The following SLC25A30 variants were observed in gnomAD, a reference collection of about 807,000 sequenced individuals.
SLC25A30 encodes kidney mitochondrial carrier protein 1.
A neutral mutation model predicts 42.7 loss-of-function variants in SLC25A30; 29 were observed. The ratio of observed to expected loss-of-function variants is 0.68; its 90% confidence interval spans 0.51 to 0.93. The LOEUF (loss-of-function observed/expected upper bound fraction) is 0.93. Among genes scored for constraint, SLC25A30 ranks in the 40% least tolerant of loss-of-function variants. The pLI, the probability that SLC25A30 is intolerant of heterozygous loss-of-function variation, is 0.00. For synonymous variants in SLC25A30, 124 were observed against 131.0 expected (o/e 0.95, Z 0.37); for missense variants, 300 against 359.7 (o/e 0.83, Z 1.34).
chr13:45,397,805 G>A, intron 8 of SLC25A30: 1 of 747,028 alleles, frequency 1.3e-6, no homozygotes, highest in Non-Finnish European at 1.6e-6. Context: ...GCTTGTGTGG[G>A]TGGAAGACTA....
the SLC25A30 span, among the ~76,000 whole-genome samples, chr13:45,428,036 C>T: frequency 6.6e-6 from 1 of 150,802 alleles, no homozygotes; most frequent in African/African-American, 2.4e-5. Context: ...AGCCACCATG[C>T]CGGCCCCCTA....
At chr13:45,423,733 TATATATAA>T in the SLC25A30 span, among the ~76,000 whole-genome samples, 1 of 58,994 alleles carries the variant, frequency 1.7e-5, no homozygotes, top group Non-Finnish European at 2.7e-5. Context: ...TATATATAAA[TATATATAA>T]ATATATAAAT....
the SLC25A30 span, among the ~76,000 whole-genome samples, chr13:45,425,427 T>A: frequency 2.7e-5 from 3 of 112,622 alleles, no homozygotes; most frequent in African/African-American, 7.0e-5. Context: ...TAAGTATATA[T>A]AAATATATGT....
intron 1 of SLC25A30, 122 bp downstream of exon 1, chr13:45,418,178 C>G (rs1046706184): frequency 6.6e-6 from 1 of 152,526 alleles, no homozygotes; most frequent in Non-Finnish European, 1.5e-5. Flanking sequence ...CAGGCAGCCC[C>G]GAGCACGCCC....
At chr13:45,413,752 C>T (rs1883229569) in intron 1 of SLC25A30, among the ~76,000 whole-genome samples, 1 of 152,176 alleles carries the variant, frequency 6.6e-6, no homozygotes, top group Non-Finnish European at 1.5e-5. Flanking sequence ...AGGATTTCGC[C>T]ATGTTGGCCA....
At chr13:45,423,810 AT>A in the SLC25A30 span, among the ~76,000 whole-genome samples, 1 of 41,434 alleles carries the variant, frequency 2.4e-5, no homozygotes, top group African/African-American at 7.6e-5. Context: ...ATTTATATAT[AT>A]AAAAATATAA....
At chr13:45,401,283 C>T in intron 6 of SLC25A30, 76 bp from the exon 7 acceptor site, 1 of 1,454,930 alleles carries the variant, frequency 6.9e-7, no homozygotes, top group Non-Finnish European at 9.5e-7. Context: ...TGCAAAGGTT[C>T]TAATCCATAA....
In SLC25A30 at chr13:45,402,339, T is replaced by G. The variant is rs776675966; in HGVS notation, c.425A>C (p.Gln142Pro). Residue 142 changes from glutamine (Q) to proline (P), a missense_variant, in exon 6 of 10, where the codon CAA becomes CCA. Coordinates refer to ENST00000519676, the MANE Select transcript of SLC25A30 (RefSeq NM_001010875.4). Reference protein sequence around the residue: ...IRMQAQSNTIQGGMIGNFMNI... With the variant: ...IRMQAQSNTIPGGMIGNFMNI... ...CATGAAGTTGCCTATCATTCCTCCT[T>G]GAATGGTGTTGCTTTGCGCTTGCAT... 355 of 1,613,978 alleles carry G rather than the reference T, an allele frequency of 2.2e-4. No individual in the cohort carries two copies. Among genetic ancestry groups the G allele is most frequent in the Non-Finnish European group, 2.9e-4 (347 of 1,179,970 alleles).
chr13:45,413,600 G>A (rs1460022743), intron 1 of SLC25A30, among the ~76,000 whole-genome samples: 2 of 151,390 alleles, frequency 1.3e-5, no homozygotes, highest in African/African-American at 4.9e-5. Flanking sequence ...TGTCCCCCAG[G>A]CTGGAATGCA....
In SLC25A30 at chr13:45,399,008, T is replaced by C; in HGVS notation, c.685A>G (p.Met229Val). The C allele has an allele frequency of 6.2e-7, 1 of 1,614,004 alleles. No homozygotes were observed. Among genetic ancestry groups the C allele is most frequent in the African/African-American group, 1.3e-5 (1 of 74,992 alleles). Reference sequence around the variant, plus strand: ...CCATCTCGAAGCACTCTCTGATTCATCATACGTGTCCTCACAACATCAACA... The same window carrying C: ...CCATCTCGAAGCACTCTCTGATTCACCATACGTGTCCTCACAACATCAACA... ...NPVDVVRTRM[M>V]NQRVLRDGRC... Residue 229 changes from methionine (M) to valine (V), a missense_variant, in exon 8 of 10, where the codon ATG becomes GTG. Transcript: ENST00000519676.
Position 45,404,420 on chromosome 13 carries a change from C to T in SLC25A30, c.308-8G>A. On this transcript the variant is annotated splice_region_variant and splice_polypyrimidine_tract_variant and intron_variant, in intron 4 of 9. Transcript: ENST00000519676. ...TTATCGGTAGAGTTTCATCTGTAAA[C>T]AATGACACATTATTTGACTCTACAT... The T allele has an allele frequency of 1.3e-6, 2 of 1,588,898 alleles. No individual in the cohort carries two copies. The highest frequency in any genetic ancestry group is 1.7e-6 in the Non-Finnish European group (2 of 1,157,130).
At chr13:45,419,122 C>A (rs1227206701), upstream of SLC25A30, among the ~76,000 whole-genome samples, 2 of 115,084 alleles carry the variant, frequency 1.7e-5, no homozygotes, top group African/African-American at 3.2e-5. Context: ...CAAAGTGATA[C>A]TCCCTCTTAA....
chr13:45,413,785 T>G (rs1883236249), intron 1 of SLC25A30, among the ~76,000 whole-genome samples: 1 of 152,210 alleles, frequency 6.6e-6, no homozygotes, highest in African/African-American at 2.4e-5. Context: ...ACTCCTGACC[T>G]CAGGTAATCC....
At chr13:45,400,193 G>A (rs1018227810) in intron 7 of SLC25A30, among the ~76,000 whole-genome samples, 2 of 151,800 alleles carry the variant, frequency 1.3e-5, no homozygotes, top group Admixed American at 6.6e-5. Flanking sequence ...AGGCTGAGGC[G>A]GGTGGATCAC....
rs1273719932 is a variant in SLC25A30 at position 45,417,919 on chromosome 13, C to G, written c.-56+381G>C. ...TCAGGCTGCCGTTTGAATGAACGCACGAGTGGGAGGGACGCACAAGCAGGG... is the reference window on the plus strand; with the variant it reads ...TCAGGCTGCCGTTTGAATGAACGCAGGAGTGGGAGGGACGCACAAGCAGGG... On this transcript the variant is annotated intron_variant, in intron 1 of 9. Transcript: ENST00000519676. Among the ~76,000 whole-genome samples, 10 of 152,320 alleles carry G rather than the reference C, an allele frequency of 6.6e-5. 1 individual carries two copies. The highest frequency in any genetic ancestry group is 2.4e-4 in the African/African-American group (10 of 41,580).
the SLC25A30 span, among the ~76,000 whole-genome samples, chr13:45,432,709 TAA>T: frequency 7.7e-6 from 1 of 130,418 alleles, no homozygotes; most frequent in Non-Finnish European, 1.7e-5. Context: ...TATAGGACAC[TAA>T]AAAAAAAAAA....
intron 2 of SLC25A30, among the ~76,000 whole-genome samples, chr13:45,409,458 G>T (rs771507696): frequency 2.6e-5 from 4 of 151,778 alleles, no homozygotes; most frequent in African/African-American, 9.7e-5. Flanking sequence ...TGAACAAAGA[G>T]GTAAAAAAAG....
the SLC25A30 span, among the ~76,000 whole-genome samples, chr13:45,423,592 T>TATATATATACAAAAATATATATAAA: frequency 8.4e-5 from 2 of 23,742 alleles, no homozygotes; most frequent in African/African-American, 2.0e-4. Flanking sequence ...TATATATAAA[T>TATATATATACAAAAATATATATAAA]ATATATATAT....
At chr13:45,401,511 G>T (rs565144997) in intron 6 of SLC25A30, among the ~76,000 whole-genome samples, 1 of 152,084 alleles carries the variant, frequency 6.6e-6, no homozygotes, top group Non-Finnish European at 1.5e-5. Context: ...GATCTTTAGG[G>T]GCTATTCTAT....
Sources: allele counts gnomAD v4.1 joint callset (sites outside exome capture counted in the v4.1 genomes callset), GRCh38; gene constraint gnomAD v4.1.1; transcripts MANE v1.5; gene names NCBI Gene and HGNC (gene_info 2026-07-23, HGNC 2026-07-21).